The following ZSCAN2 variants were observed in gnomAD, a reference collection of about 807,000 sequenced individuals.
ZSCAN2 encodes the protein zinc finger and SCAN domain-containing protein 2.
ZSCAN2 carries 26 observed loss-of-function variants against 47.8 expected under a neutral mutation model. The observed-to-expected ratio is 0.54, with a 90% CI of 0.40 to 0.75. The LOEUF (loss-of-function observed/expected upper bound fraction) is 0.75. Ranked by LOEUF, ZSCAN2 falls within the 30% of genes least tolerant of loss-of-function variation. The pLI is 0.00. For missense variants in ZSCAN2, 732 were observed against 785.4 expected (o/e 0.93, Z 0.81); for synonymous variants, 305 against 288.7 (o/e 1.06, Z -0.57).
In ZSCAN2 at chr15:84,604,077, C is replaced by G. The variant is rs749350820; in HGVS notation, c.150C>G (p.Gly50=). The G allele has an allele frequency of 2.5e-6, 4 of 1,614,008 alleles. No homozygotes were observed. In the African/African-American group the frequency reaches 5.3e-5, roughly 22 times the overall value. ...WVQEAVLQED[G]PESEPFPQSA... is the part of the protein sequence containing the mutation. ...AAGAAGCTGTGCTGCAGGAGGATGG[C>G]CCTGAGTCTGAGCCCTTTCCCCAGA... The change falls in exon 2 of 3, where the codon GGC becomes GGG. Residue 50 remains glycine, a synonymous_variant. Transcript: ENST00000546148.
chr15:84,621,629 A>C lies in ZSCAN2; in HGVS notation c.1434A>C (p.Thr478=), dbSNP rs747039313. Residue 478 remains threonine (T), a synonymous_variant, in exon 3 of 3, where the codon ACA becomes ACC. Transcript: ENST00000546148. This position sits in a 1 kb window ranked among gnomAD's most constrained non-coding sequence, Gnocchi z 5.7. The part of the protein sequence containing the change: ...HTGEKPYECL[T]CGESFSWSSN... ...GGGAGAAACCCTACGAGTGCCTGAC[A>C]TGTGGGGAGAGCTTCAGCTGGAGCT... The C allele has an allele frequency of 2.5e-6, 4 of 1,613,012 alleles. No homozygotes were observed. Among genetic ancestry groups the C allele is most frequent in the African/African-American group, 1.3e-5 (1 of 74,556 alleles).
In ZSCAN2 at chr15:84,619,385, G is replaced by A. The variant is rs528397598; in HGVS notation, c.407-1217G>A. ...GCGGAGCTTGCAGTGAGCCGAGATC[G>A]CGCCATTGCACTCCAGCCTGGGCCA... On this transcript the variant is annotated intron_variant, in intron 2 of 2. Transcript: ENST00000546148. Among the ~76,000 whole-genome samples the A allele has an allele frequency of 2.6e-4, 39 of 151,252 alleles. 1 individual carries two copies. In the South Asian group the frequency reaches 6.7e-3, roughly 26 times the overall value.
intron 2 of ZSCAN2, among the ~76,000 whole-genome samples, chr15:84,612,459 G>T (rs1895576161): frequency 6.6e-6 from 1 of 152,218 alleles, no homozygotes; most frequent in African/African-American, 2.4e-5. Flanking sequence ...TAAAGGCCAG[G>T]AGCGGTAGCT....
chr15:84,621,914 C>G lies in ZSCAN2; in HGVS notation c.1719C>G (p.Leu573=), dbSNP rs1476476352. 4 of 1,613,960 alleles carry G rather than the reference C, an allele frequency of 2.5e-6. No homozygotes were observed. Among genetic ancestry groups the G allele is most frequent in the Non-Finnish European group, 3.4e-6 (4 of 1,180,014 alleles). ...AAGGCTTTAGCTGGAACTCAGTCCT[C>G]ATTATACATCAGCGAATCCACACTG... ...CGKGFSWNSV[L]IIHQRIHTGE... Residue 573 remains leucine (L), a synonymous_variant, in exon 3 of 3, where the codon CTC becomes CTG. Transcript: ENST00000546148. This position sits in a 1 kb window ranked among gnomAD's most constrained non-coding sequence, Gnocchi z 5.7.
At position 84,606,335 on chromosome 15, in the gene ZSCAN2, T is replaced by A. The variant is rs191779179; in HGVS notation, c.406+2002T>A. On this transcript the variant is annotated intron_variant, in intron 2 of 2. Coordinates refer to ENST00000546148, the MANE Select transcript of ZSCAN2 (RefSeq NM_181877.4). ...GTGGCTGGCATTGTCATTTCACAGA[T>A]AGGAAATATAAGTGCAGGAAACTCA... 101 of 562,264 alleles carry A rather than the reference T, an allele frequency of 1.8e-4. No homozygotes were observed. The East Asian group carries it at 3.3e-3, about 18-fold the overall frequency. The allele number at this position is 562,264 out of a possible 1,614,324, so 34.8% of individuals were successfully genotyped here.
At chr15:84,613,981 CTTTT>C (rs35815000) in intron 2 of ZSCAN2, among the ~76,000 whole-genome samples, 7,958 of 51,704 alleles carry the variant, frequency 0.15, 314 homozygotes, top group Admixed American at 0.24. Context: ...CTCTTGGCCT[CTTTT>C]TTTTTTTTTT....
Position 84,621,831 on chromosome 15 carries a change from G to C in ZSCAN2, c.1636G>C (p.Val546Leu). 1.9e-6 allele frequency: 3 copies of C among 1,614,172 alleles called. No homozygotes were observed. Among genetic ancestry groups the C allele is most frequent in the Non-Finnish European group, 2.5e-6 (3 of 1,180,026 alleles). Residue 546 changes from valine (V) to leucine (L), a missense_variant, in exon 3 of 3, where the codon GTC becomes CTC. Physicochemically the swap from Val to Leu is conservative, Grantham distance 32. Transcript: ENST00000546148. The surrounding 1 kb of genome is among the most constrained non-coding windows in gnomAD (Gnocchi z 5.7). ...GKSFSRGSIL[V>L]MHQRAHLGDK... ...GAGCTTCAGCCGGGGCTCCATTCTGGTCATGCACCAGAGAGCCCATTTGGG... is the reference window on the plus strand; with the variant it reads ...GAGCTTCAGCCGGGGCTCCATTCTGCTCATGCACCAGAGAGCCCATTTGGG...
rs1175726193 is a variant in ZSCAN2, at chr15:84,620,838, A to G, written c.643A>G (p.Thr215Ala). The change falls in exon 3 of 3, where the codon ACC becomes GCC. Residue 215 changes from threonine to alanine, a missense_variant. Physicochemically the swap from Thr to Ala is moderately conservative, Grantham distance 58. Around this residue, in one of 2 missense-constraint regions of ZSCAN2, gnomAD observed 320 missense variants for 287.4 expected, o/e 1.11. Transcript: ENST00000546148. Reference protein sequence around the residue: ...EVGQLIGLQGTYLGEKPYECP... With the variant: ...EVGQLIGLQGAYLGEKPYECP... ...TGGCCAGCTCATAGGCCTGCAGGGC[A>G]CCTACCTAGGGGAGAAGCCCTACGA... The G allele has an allele frequency of 6.2e-7, 1 of 1,614,236 alleles. No homozygotes were observed. The highest frequency in any genetic ancestry group is 1.1e-5 in the South Asian group (1 of 91,082).
In ZSCAN2 at chr15:84,603,866, G is replaced by A; in HGVS notation, c.-62G>A. The A allele has an allele frequency of 1.9e-6, 3 of 1,546,992 alleles. No homozygotes were observed. The highest frequency in any genetic ancestry group is 1.2e-5 in the South Asian group (1 of 80,406). On this transcript the variant is annotated 5_prime_UTR_variant, in exon 2 of 3. Coordinates refer to ENST00000546148, the MANE Select transcript of ZSCAN2 (RefSeq NM_181877.4). ...GAGGAGGGAAGTGTCTTACCTGAGA[G>A]CCTGGCTGGAGAAGACTGAGGTCCA...
At position 84,619,243 on chromosome 15, in the gene ZSCAN2, A is replaced by T. The variant is rs572214551; in HGVS notation, c.407-1359A>T. Among the ~76,000 whole-genome samples, 6 of 152,262 alleles carry T rather than the reference A, an allele frequency of 3.9e-5. No individual in the cohort carries two copies. The East Asian group carries it at 1.2e-3, about 30-fold the overall frequency. ...TCAGGAGATCGAGACCATCCTGGCT[A>T]ACATGGTGAAACCCCGTCTCTCTAA... On this transcript the variant is annotated intron_variant, in intron 2 of 2. Coordinates refer to ENST00000546148, the MANE Select transcript of ZSCAN2 (RefSeq NM_181877.4).
rs902589020 is a variant in ZSCAN2 at position 84,621,755 on chromosome 15, C to G, written c.1560C>G (p.His520Gln). 6.2e-7 allele frequency: 1 copy of G among 1,614,096 alleles called. No homozygotes were observed. The highest frequency in any genetic ancestry group is 8.5e-7 in the Non-Finnish European group (1 of 1,180,046). ...CFSQRSQLVV[H>Q]QRTHTGEKPY... ...GCCAGCGCTCCCAGCTCGTAGTGCA[C>G]CAGCGGACCCACACGGGCGAGAAGC... is the stretch of plus-strand genomic sequence containing the variant. Residue 520 changes from histidine to glutamine, a missense_variant, in exon 3 of 3, where the codon CAC (histidine) becomes CAG (glutamine). Around this residue, in one of 2 missense-constraint regions of ZSCAN2, gnomAD observed 412 missense variants for 498.0 expected, o/e 0.83. Coordinates refer to ENST00000546148, the MANE Select transcript of ZSCAN2 (RefSeq NM_181877.4). This position sits in a 1 kb window ranked among gnomAD's most constrained non-coding sequence, Gnocchi z 5.7.
intron 2 of ZSCAN2, among the ~76,000 whole-genome samples, chr15:84,611,247 C>T (rs1354442724): frequency 6.6e-6 from 1 of 152,102 alleles, no homozygotes. Flanking sequence ...CGCCACTGCA[C>T]TCCAGCCTGG....
intron 2 of ZSCAN2, among the ~76,000 whole-genome samples, chr15:84,604,802 A>T (rs529576452): frequency 6.7e-6 from 1 of 149,826 alleles, no homozygotes; most frequent in East Asian, 2.0e-4. Context: ...CAGTGGCACA[A>T]TCTTGGCTCA....
rs59871656 is a variant in ZSCAN2 at position 84,613,678 on chromosome 15, CTTT to C, written c.407-6912_407-6910del. 1.6e-3 allele frequency among the ~76,000 whole-genome samples: 238 copies of C among 146,486 alleles called. 1 individual carries two copies. The highest frequency in any genetic ancestry group is 3.6e-3 in the Middle Eastern group (1 of 280). ...CCTCCAATTTTAGTCAGTAATCTTTCTTTTTTTTTTTTTTGAGATAGAATCTCA... is the reference window on the plus strand; with the variant it reads ...CCTCCAATTTTAGTCAGTAATCTTTCTTTTTTTTTTTGAGATAGAATCTCA... On this transcript the variant is annotated intron_variant, in intron 2 of 2. Transcript: ENST00000546148.
rs1596025866 is a variant in ZSCAN2, at chr15:84,604,301, T to G, written c.374T>G (p.Val125Gly). Residue 125 changes from valine (V) to glycine (G), a missense_variant, in exon 2 of 3, where the codon GTG becomes GGG. By Grantham distance (109) the Val-to-Gly change is moderately radical (BLOSUM62 -3). This residue lies in a region of ZSCAN2 where 320 missense variants were observed against 287.4 expected (regional missense o/e 1.11). Transcript: ENST00000546148. ...PESSEEAAALVEDLTQTLQDS... is the reference protein window; with the variant it reads ...PESSEEAAALGEDLTQTLQDS... ...AGCAGTGAGGAGGCAGCGGCCCTGG[T>G]GGAAGACTTGACCCAGACCCTTCAG... is the stretch of plus-strand genomic sequence containing the variant. The G allele has an allele frequency of 6.2e-7, 1 of 1,613,026 alleles. No individual in the cohort carries two copies.
At position 84,611,811 on chromosome 15, in the gene ZSCAN2, C is replaced by CATA. The variant is rs1411144316; in HGVS notation, c.406+7480_406+7482dup. 3.3e-5 allele frequency: 5 copies of CATA among 152,330 alleles called. No individual in the cohort carries two copies. The South Asian group carries it at 8.3e-4, about 25-fold the overall frequency. 9.4% of individuals were successfully genotyped at this position (152,330 alleles called of 1,614,324 possible). A position where few individuals can be genotyped will look rare whatever the true frequency, so the allele number is the denominator to read the frequency against. ...TGTCTGGGCCATCCAGCCTCTTACTCATAAGCCTGCTTCCTTAGAAGCCGC... is the reference window on the plus strand; with the variant it reads ...TGTCTGGGCCATCCAGCCTCTTACTCATAATAAGCCTGCTTCCTTAGAAGCCGC... On this transcript the variant is annotated intron_variant, in intron 2 of 2. Transcript: ENST00000546148.
intron 2 of ZSCAN2, among the ~76,000 whole-genome samples, chr15:84,612,565 TCTA>T (rs1406872289): frequency 6.6e-6 from 1 of 152,078 alleles, no homozygotes; most frequent in Non-Finnish European, 1.5e-5. Context: ...AAACCCTGTC[TCTA>T]CTAAAAATAC....
chr15:84,606,020 G>A (rs1895370039), intron 2 of ZSCAN2, among the ~76,000 whole-genome samples: 1 of 152,234 alleles, frequency 6.6e-6, no homozygotes, highest in Non-Finnish European at 1.5e-5. Context: ...ATGTTTTTAA[G>A]CGTTGTCATA....
At chr15:84,618,278 C>G (rs949114863) in intron 2 of ZSCAN2, among the ~76,000 whole-genome samples, 1 of 151,838 alleles carries the variant, frequency 6.6e-6, no homozygotes, top group Admixed American at 6.6e-5. Flanking sequence ...ATTAGCTGGG[C>G]GTGGTGGTGT....
Sources: allele counts gnomAD v4.1 joint callset (sites outside exome capture counted in the v4.1 genomes callset), GRCh38; gene constraint gnomAD v4.1.1; regional missense constraint gnomAD v4.1.1; non-coding constraint Gnocchi (gnomAD v3.1); transcripts MANE v1.5; gene names NCBI Gene and HGNC (gene_info 2026-07-23, HGNC 2026-07-21).